The following SLC9A9 variants were observed in gnomAD, a reference collection of about 807,000 sequenced individuals.
The protein encoded by SLC9A9 is solute carrier family 9 member A9, also known as sodium/hydrogen exchanger 9.
A neutral mutation model predicts 77.8 loss-of-function variants in SLC9A9; 62 were observed. That is an observed-to-expected ratio of 0.80 (90% CI 0.65 to 0.98). The LOEUF (loss-of-function observed/expected upper bound fraction) is 0.98. SLC9A9 is among the 50% of genes least tolerant of loss of function. The probability of loss-of-function intolerance (pLI) is 0.00; values close to 1 mark genes in which losing one functional copy is unlikely to be tolerated. For synonymous variants in SLC9A9, 320 were observed against 283.5 expected (o/e 1.13, Z -1.29); for missense variants, 775 against 774.9 (o/e 1.00, Z 0.00).
chr3:143,453,410 G>C (rs532460417), intron 12 of SLC9A9, among the ~76,000 whole-genome samples: 1 of 151,704 alleles, frequency 6.6e-6, no homozygotes, highest in Non-Finnish European at 1.5e-5. Flanking sequence ...TCCCCACAAA[G>C]GGAAAAAGAA....
chr3:143,285,012 T>A (rs1192612790), intron 14 of SLC9A9, among the ~76,000 whole-genome samples: 2 of 152,184 alleles, frequency 1.3e-5, no homozygotes, highest in Non-Finnish European at 2.9e-5. Flanking sequence ...CTTTCCACAC[T>A]ATTCCATCCA....
chr3:143,550,973 T>C (rs906160428), intron 9 of SLC9A9, among the ~76,000 whole-genome samples: 1 of 152,216 alleles, frequency 6.6e-6, no homozygotes, highest in Non-Finnish European at 1.5e-5. Context: ...AAAATGTGAC[T>C]TTACTTGGAA....
chr3:143,412,371 T>C (rs769104204), intron 12 of SLC9A9, among the ~76,000 whole-genome samples: 1 of 151,994 alleles, frequency 6.6e-6, no homozygotes, highest in Admixed American at 6.6e-5. Flanking sequence ...TCTCCTAAAG[T>C]GCAGGCGTGA....
chr3:143,277,009 T>G (rs2108402666), intron 14 of SLC9A9, among the ~76,000 whole-genome samples: 1 of 152,350 alleles, frequency 6.6e-6, no homozygotes, highest in African/African-American at 2.4e-5. Context: ...TTAGCAATGA[T>G]ATCTATAGCA....
intron 4 of SLC9A9, among the ~76,000 whole-genome samples, chr3:143,725,468 T>G (rs1303448228): frequency 6.9e-6 from 1 of 145,274 alleles, no homozygotes; most frequent in Non-Finnish European, 1.5e-5. Context: ...TCACAATAGC[T>G]AAGACTTGGA....
intron 4 of SLC9A9, among the ~76,000 whole-genome samples, chr3:143,729,416 C>G (rs190141567): frequency 1.2e-4 from 18 of 152,268 alleles, no homozygotes; most frequent in African/African-American, 4.3e-4. Context: ...ATGACATGAA[C>G]TAGGTGGTAT....
intron 6 of SLC9A9, among the ~76,000 whole-genome samples, chr3:143,605,092 G>T (rs1395031084): frequency 6.6e-6 from 1 of 152,070 alleles, no homozygotes; most frequent in Non-Finnish European, 1.5e-5. Context: ...ACTACAAGTG[G>T]TCTCTATATT....
At chr3:143,533,668 G>C (rs369635407) in intron 9 of SLC9A9, among the ~76,000 whole-genome samples, 4 of 151,998 alleles carry the variant, frequency 2.6e-5, no homozygotes, top group East Asian at 1.9e-4. Flanking sequence ...TGGAGGTAAG[G>C]GTATTTTTAA....
intron 1 of SLC9A9, among the ~76,000 whole-genome samples, chr3:143,836,550 C>G (rs1306554057): frequency 1.3e-5 from 2 of 152,110 alleles, no homozygotes; most frequent in African/African-American, 4.8e-5. Flanking sequence ...CAACATAACT[C>G]TTATATAGCA....
At chr3:143,331,697 T>C (rs1178288795) in intron 14 of SLC9A9, among the ~76,000 whole-genome samples, 1 of 152,222 alleles carries the variant, frequency 6.6e-6, no homozygotes, top group Non-Finnish European at 1.5e-5. Flanking sequence ...TAAGCGATAG[T>C]ATCTGCCACC....
chr3:143,619,862 G>T (rs968805083), intron 6 of SLC9A9, among the ~76,000 whole-genome samples: 14 of 152,160 alleles, frequency 9.2e-5, no homozygotes, highest in African/African-American at 3.4e-4. Context: ...AGTTTACAAA[G>T]AGCCCATCGC....
chr3:143,559,107 G>A (rs1040962210), intron 8 of SLC9A9, among the ~76,000 whole-genome samples: 9 of 152,094 alleles, frequency 5.9e-5, no homozygotes, highest in African/African-American at 7.2e-5. Context: ...GGTGCCTTCC[G>A]CTATGATTGT....
intron 5 of SLC9A9, among the ~76,000 whole-genome samples, chr3:143,677,412 A>C (rs1264521056): frequency 6.6e-6 from 1 of 152,176 alleles, no homozygotes; most frequent in East Asian, 1.9e-4. Flanking sequence ...TAGACATACA[A>C]TATTGTGTAG....
intron 2 of SLC9A9, among the ~76,000 whole-genome samples, chr3:143,808,853 C>T (rs1576742632): frequency 6.6e-6 from 1 of 152,186 alleles, no homozygotes; most frequent in East Asian, 1.9e-4. Context: ...CATTGCCTGA[C>T]ATCTAGTAAG....
chr3:143,289,374 C>T (rs186064510), intron 14 of SLC9A9, among the ~76,000 whole-genome samples: 31 of 152,208 alleles, frequency 2.0e-4, no homozygotes, highest in African/African-American at 7.0e-4. Context: ...TTTTAAATGT[C>T]CCTTTGTCTT....
intron 5 of SLC9A9, among the ~76,000 whole-genome samples, chr3:143,665,451 C>T (rs1028457877): frequency 6.6e-6 from 1 of 152,084 alleles, no homozygotes; most frequent in African/African-American, 2.4e-5. Context: ...CAAGCATACT[C>T]AAAAGCTAGC....
intron 6 of SLC9A9, among the ~76,000 whole-genome samples, chr3:143,580,834 T>C (rs190576248): frequency 6.6e-6 from 1 of 152,314 alleles, no homozygotes; most frequent in Admixed American, 6.5e-5. Context: ...ATGGAGATTG[T>C]CCATTGAATT....
intron 11 of SLC9A9, among the ~76,000 whole-genome samples, chr3:143,487,215 TAACAATTATA>T (rs999657676): frequency 6.6e-6 from 1 of 151,916 alleles, no homozygotes; most frequent in Non-Finnish European, 1.5e-5. Flanking sequence ...CAAGAAGATA[TAACAATTATA>T]AACAATTATA....
chr3:143,523,173 G>A (rs2036342173), intron 9 of SLC9A9, among the ~76,000 whole-genome samples: 1 of 152,076 alleles, frequency 6.6e-6, no homozygotes, highest in African/African-American at 2.4e-5. Flanking sequence ...TTTGTCTTGG[G>A]AGTGACTAAC....
Sources: gnomAD v4.1 joint callset for allele counts (sites outside exome capture counted in the v4.1 genomes callset) on GRCh38, gnomAD v4.1.1 for gene constraint, MANE v1.5 for transcripts, NCBI Gene and HGNC (gene_info 2026-07-23, HGNC 2026-07-21) for gene names.